The following CNTN4 variants were observed in gnomAD, a reference collection of about 807,000 sequenced individuals.
CNTN4 encodes the protein contactin-4.
CNTN4 carries 77 observed loss-of-function variants against 122.5 expected under a neutral mutation model. The observed-to-expected ratio is 0.63, with a 90% confidence interval of 0.52 to 0.76. The LOEUF (loss-of-function observed/expected upper bound fraction) is 0.76, where lower values mean the gene tolerates loss of function less well. Ranked by LOEUF, CNTN4 falls within the 30% of genes least tolerant of loss-of-function variation. The probability of loss-of-function intolerance (pLI) is 0.00; values close to 1 mark genes in which losing one functional copy is unlikely to be tolerated. For synonymous variants in CNTN4, 512 were observed against 447.0 expected (o/e 1.15, Z -1.83); for missense variants, 1,256 against 1,259.1 (o/e 1.00, Z 0.04).
chr3:2,239,559 C>T (rs1261052513), intron 2 of CNTN4, among the ~76,000 whole-genome samples: 2 of 152,170 alleles, frequency 1.3e-5, no homozygotes, highest in Admixed American at 1.3e-4. Flanking sequence ...AATTCAGTTT[C>T]CCTAAGCTCA....
intron 8 of CNTN4, among the ~76,000 whole-genome samples, chr3:2,868,013 T>C (rs2093743490): frequency 6.6e-6 from 1 of 152,166 alleles, no homozygotes; most frequent in South Asian, 2.1e-4. Context: ...ATTTAAGCAG[T>C]CGTTGTAGAC....
At position 2,286,227 on chromosome 3, in the gene CNTN4, A is replaced by G. The variant is rs953944767; in HGVS notation, c.-144-52951A>G. On this transcript the variant is annotated intron_variant, in intron 2 of 24. Coordinates refer to ENST00000418658, the MANE Select transcript of CNTN4 (RefSeq NM_175607.3). The stretch of plus-strand genomic sequence containing the variant: ...TCCTGCCGTGTGTGTGTGTGTGCAT[A>G]CACCCCCTGCCCCCCCCACAACATA... 2.0e-4 allele frequency among the ~76,000 whole-genome samples: 8 copies of G among 40,156 alleles called. No individual in the cohort carries two copies. The Admixed American group carries it at 3.2e-3, about 16-fold the overall frequency. The allele number at this position is 40,156 out of a possible 152,430, so 26.3% of individuals were successfully genotyped here.
chr3:2,965,712 C>T (rs369259415), intron 13 of CNTN4, among the ~76,000 whole-genome samples: 1 of 152,256 alleles, frequency 6.6e-6, no homozygotes, highest in South Asian at 2.1e-4. Context: ...AAAGTCTTTG[C>T]TTCCTATGTG....
At chr3:2,182,499 A>G (rs996379077) in intron 2 of CNTN4, among the ~76,000 whole-genome samples, 2 of 152,160 alleles carry the variant, frequency 1.3e-5, no homozygotes, top group African/African-American at 4.8e-5. Flanking sequence ...ATAAATAGCC[A>G]ATATGTAATA....
At chr3:3,024,907 C>T (rs1020877610) in intron 14 of CNTN4, among the ~76,000 whole-genome samples, 8 of 152,082 alleles carry the variant, frequency 5.3e-5, no homozygotes, top group Non-Finnish European at 1.0e-4. Context: ...AATGCAATCC[C>T]GCGACTATGG....
chr3:2,333,181 C>A (rs1356353205), intron 2 of CNTN4, among the ~76,000 whole-genome samples: 1 of 152,186 alleles, frequency 6.6e-6, no homozygotes, highest in African/African-American at 2.4e-5. Context: ...CAATCCCCTC[C>A]CTGTCTTAGA....
intron 3 of CNTN4, among the ~76,000 whole-genome samples, chr3:2,551,120 G>A (rs973304164): frequency 8.6e-5 from 13 of 152,020 alleles, no homozygotes; most frequent in South Asian, 4.2e-4. Context: ...AATGCCAGGC[G>A]TAAAGCAAGC....
At chr3:3,036,037 T>C (rs1447574689) in intron 17 of CNTN4, among the ~76,000 whole-genome samples, 2 of 152,222 alleles carry the variant, frequency 1.3e-5, no homozygotes, top group East Asian at 3.8e-4. Flanking sequence ...TCTCTTTGCA[T>C]GTAAAAGAAT....
At chr3:2,774,920 A>G (rs1195322918) in intron 6 of CNTN4, among the ~76,000 whole-genome samples, 2 of 152,230 alleles carry the variant, frequency 1.3e-5, no homozygotes, top group African/African-American at 2.4e-5. Flanking sequence ...TCTTATGTCA[A>G]TTCCCTTTCA....
At chr3:2,969,348 G>T (rs1692644944) in intron 13 of CNTN4, among the ~76,000 whole-genome samples, 1 of 152,080 alleles carries the variant, frequency 6.6e-6, no homozygotes, top group Non-Finnish European at 1.5e-5. Flanking sequence ...TCTAGGCTAG[G>T]TCAGGTGTCC....
At chr3:2,238,742 T>C (rs1428204688) in intron 2 of CNTN4, 1 of 72,236 alleles carries the variant, frequency 1.4e-5, no homozygotes, top group Middle Eastern at 8.3e-3. Context: ...TGTGTTTTTT[T>C]TTTGAGACGG....
chr3:2,155,647 T>G (rs2035686206), intron 2 of CNTN4, among the ~76,000 whole-genome samples: 1 of 152,196 alleles, frequency 6.6e-6, no homozygotes, highest in Non-Finnish European at 1.5e-5. Context: ...TTGGTGACCA[T>G]GCTATCCAAG....
intron 6 of CNTN4, among the ~76,000 whole-genome samples, chr3:2,751,044 A>G (rs1453481864): frequency 2.0e-5 from 3 of 152,134 alleles, no homozygotes. Context: ...GCTCATGCCT[A>G]TAATTCCAGC....
At chr3:2,875,520 A>G (rs35422591) in intron 8 of CNTN4, among the ~76,000 whole-genome samples, 6,763 of 152,240 alleles carry the variant, frequency 0.044, 189 homozygotes, top group Non-Finnish European at 0.067. Flanking sequence ...ATAAAGTTTT[A>G]TTGGCACACA....
At chr3:2,237,352 G>T (rs1387129359) in intron 2 of CNTN4, among the ~76,000 whole-genome samples, 1 of 152,116 alleles carries the variant, frequency 6.6e-6, no homozygotes, top group Non-Finnish European at 1.5e-5. Flanking sequence ...ACTCCTGTTT[G>T]TAGTCCCAGA....
chr3:2,621,486 G>A (rs530571553), intron 4 of CNTN4, among the ~76,000 whole-genome samples: 16 of 152,078 alleles, frequency 1.1e-4, no homozygotes, highest in African/African-American at 2.2e-4. Context: ...GTCACACACC[G>A]GGGCCTGTCG....
chr3:2,857,878 A>G (rs888893922), intron 7 of CNTN4, among the ~76,000 whole-genome samples: 3 of 152,180 alleles, frequency 2.0e-5, no homozygotes, highest in Non-Finnish European at 4.4e-5. Flanking sequence ...CTTTTATCCC[A>G]TCAAAATACT....
chr3:2,684,978 T>C (rs1362138455), intron 4 of CNTN4, among the ~76,000 whole-genome samples: 1 of 152,214 alleles, frequency 6.6e-6, no homozygotes, highest in Non-Finnish European at 1.5e-5. Flanking sequence ...TCTGAACTTG[T>C]GAAACGTAAA....
chr3:2,698,928 C>A (rs530856228), intron 4 of CNTN4, among the ~76,000 whole-genome samples: 170 of 152,066 alleles, frequency 1.1e-3, no homozygotes, highest in African/African-American at 3.9e-3. Context: ...GAGGCTGAGG[C>A]CGGAGAATTG....
Sources: allele counts gnomAD v4.1 joint callset (sites outside exome capture counted in the v4.1 genomes callset), GRCh38; gene constraint gnomAD v4.1.1; transcripts MANE v1.5; gene names NCBI Gene and HGNC (gene_info 2026-07-23, HGNC 2026-07-21).